DGKH: variants seen among roughly 807,000 people sequenced by gnomAD.
DGKH encodes DAG kinase eta.
A neutral mutation model predicts 159.3 loss-of-function variants in DGKH; 90 were observed. The ratio of observed to expected loss-of-function variants is 0.57; its 90% CI spans 0.48 to 0.67. DGKH has a LOEUF of 0.67. Ranked by LOEUF, DGKH falls within the 30% of genes least tolerant of loss-of-function variation. The probability of loss-of-function intolerance (pLI) is 0.00; values close to 1 mark genes in which losing one functional copy is unlikely to be tolerated. For missense variants in DGKH, 1,181 were observed against 1,506.1 expected, an observed-to-expected ratio of 0.78 and a Z score of 3.57; for synonymous variants, 536 against 553.8, an observed-to-expected ratio of 0.97 and a Z score of 0.45.
chr13:42,048,841 C>T lies in DGKH; in HGVS notation c.68C>T (p.Ala23Val). ...AAGGAAAGAG[A>V]AVTSAAASAG... is the part of the protein sequence containing the mutation. Reference sequence around the variant, plus strand: ...GGAGGAGCGGCCGCCGGAGCCGGCGCCGCGGTCACCTCCGCCGCTGCCTCG... The same window carrying T: ...GGAGGAGCGGCCGCCGGAGCCGGCGTCGCGGTCACCTCCGCCGCTGCCTCG... The change falls in exon 1 of 30, where the codon GCC (alanine) becomes GTC (valine). Residue 23 changes from alanine to valine, a missense_variant. Physicochemically the swap from Ala to Val is moderately conservative, Grantham distance 64. This residue lies in a region of DGKH where 136 missense variants were observed against 132.2 expected (regional missense o/e 1.03). Transcript: ENST00000337343. The surrounding 1 kb of genome is among the most constrained non-coding windows in gnomAD (Gnocchi z 6.7). 1 of 1,354,972 alleles carries T rather than the reference C, an allele frequency of 7.4e-7. No individual in the cohort carries two copies. 83.9% of individuals were successfully genotyped at this position (1,354,972 alleles called of 1,614,324 possible).
Position 42,229,327 on chromosome 13 carries a change from T to C in DGKH, c.*139T>C, listed in dbSNP as rs897448824. ...ACCTCTGTGGCTTGATATTTTGCTGTGGGTGAAATTTTGATTTGAGGTATT... is the reference window on the plus strand; with the variant it reads ...ACCTCTGTGGCTTGATATTTTGCTGCGGGTGAAATTTTGATTTGAGGTATT... On this transcript the variant is annotated 3_prime_UTR_variant, in exon 30 of 30. Transcript: ENST00000337343. The C allele has an allele frequency of 4.3e-6, 3 of 701,498 alleles. No individual in the cohort carries two copies. Among genetic ancestry groups the C allele is most frequent in the African/African-American group, 1.9e-5 (1 of 52,406 alleles). The allele number at this position is 701,498 out of a possible 1,614,324, so 43.5% of individuals were successfully genotyped here.
At chr13:42,042,126 G>C (rs1326670289) in intron 1 of DGKH, among the ~76,000 whole-genome samples, 5 of 152,216 alleles carry the variant, frequency 3.3e-5, no homozygotes, top group African/African-American at 1.2e-4. Flanking sequence ...CATGTCGTCA[G>C]GTTGCCCATC....
intron 23 of DGKH, among the ~76,000 whole-genome samples, chr13:42,210,059 G>A (rs571555050): frequency 1.4e-5 from 2 of 138,238 alleles, no homozygotes; most frequent in Non-Finnish European, 3.1e-5. Context: ...TTTAATTAAG[G>A]TCTGTCTTTA....
intron 29 of DGKH, among the ~76,000 whole-genome samples, chr13:42,248,120 T>G (rs922435309): frequency 1.2e-4 from 19 of 152,244 alleles, no homozygotes; most frequent in Admixed American, 1.0e-3. Context: ...TCCTATAAGC[T>G]CCATTCATGA....
chr13:42,206,024 T>TA lies in DGKH; in HGVS notation c.2494-15_2494-14insA. 1 of 1,336,032 alleles carries TA rather than the reference T, an allele frequency of 7.5e-7. No homozygotes were observed. The highest frequency in any genetic ancestry group is 9.7e-7 in the Non-Finnish European group (1 of 1,034,928). 82.8% of individuals were successfully genotyped at this position (1,336,032 alleles called of 1,614,324 possible). On this transcript the variant is annotated splice_polypyrimidine_tract_variant and intron_variant, in intron 20 of 29. Coordinates refer to ENST00000337343, the MANE Select transcript of DGKH (RefSeq NM_178009.5). The stretch of plus-strand genomic sequence containing the variant: ...TATCTAATCTCTACTTTTTTTTTTT[T>TA]TTTTTACCTTACAGTGTGATGGGCA...
downstream of DGKH, among the ~76,000 whole-genome samples, chr13:42,245,473 G>T (rs762519645): frequency 6.6e-6 from 1 of 152,158 alleles, no homozygotes; most frequent in African/African-American, 2.4e-5. Context: ...TTGATCATAT[G>T]TAAAGGCAAA....
chr13:42,134,121 G>A (rs1249887953), intron 3 of DGKH, among the ~76,000 whole-genome samples: 1 of 152,184 alleles, frequency 6.6e-6, no homozygotes, highest in Non-Finnish European at 1.5e-5. Context: ...TGGAAAACCT[G>A]TGCTTTGCCT....
In DGKH at chr13:42,090,760, T is replaced by A. The variant is rs9594673; in HGVS notation, c.193-36703T>A. On this transcript the variant is annotated intron_variant, in intron 1 of 29. Coordinates refer to ENST00000337343, the MANE Select transcript of DGKH (RefSeq NM_178009.5). ...GTTTTCGTCTCCTCCAAAATTCACA[T>A]TGAAACTAAATTGCCAGTGTGAAGG... Among the ~76,000 whole-genome samples, 1,374 of 152,240 alleles carry A rather than the reference T, an allele frequency of 9.0e-3. 24 individuals are homozygous for A. The highest frequency in any genetic ancestry group is 0.031 in the African/African-American group (1,282 of 41,548).
At chr13:42,254,682 A>G (rs1225915131) in intron 30 of DGKH, among the ~76,000 whole-genome samples, 2 of 152,092 alleles carry the variant, frequency 1.3e-5, no homozygotes, top group Admixed American at 1.3e-4. Flanking sequence ...TGTGTTTGGC[A>G]TGGAAACAAT....
At chr13:42,166,953 G>A (rs1594130504) in intron 9 of DGKH, among the ~76,000 whole-genome samples, 2 of 152,090 alleles carry the variant, frequency 1.3e-5, no homozygotes, top group Admixed American at 6.6e-5. Context: ...AGATCAACTT[G>A]CGTAAATATA....
In DGKH at chr13:42,225,287, T is replaced by C. The variant is rs1234732916; in HGVS notation, c.3574-3812T>C. The C allele has an allele frequency of 1.9e-6, 3 of 1,586,738 alleles. No homozygotes were observed. In the Admixed American group the frequency reaches 5.2e-5, roughly 28 times the overall value. On this transcript the variant is annotated intron_variant, in intron 29 of 29. Coordinates refer to ENST00000337343, the MANE Select transcript of DGKH (RefSeq NM_178009.5). Reference sequence around the variant, plus strand: ...AAACTGATTGCATCATTTTCTTTGCTAGAACACAGTAGGAGAAAAAAGAGA... The same window carrying C: ...AAACTGATTGCATCATTTTCTTTGCCAGAACACAGTAGGAGAAAAAAGAGA...
At chr13:42,075,014 T>C (rs1200965409) in intron 1 of DGKH, among the ~76,000 whole-genome samples, 2 of 152,250 alleles carry the variant, frequency 1.3e-5, no homozygotes, top group African/African-American at 2.4e-5. Flanking sequence ...ATGCCTTTTA[T>C]ACTTACTAAT....
chr13:42,087,572 AGAG>A (rs1954332181), intron 1 of DGKH, among the ~76,000 whole-genome samples: 1 of 152,176 alleles, frequency 6.6e-6, no homozygotes, highest in Non-Finnish European at 1.5e-5. Flanking sequence ...CATGAACACA[AGAG>A]GATTCATAAA....
In DGKH at chr13:42,127,581, A is replaced by G. The variant is rs605371; in HGVS notation, c.303+8A>G. Reference sequence around the variant, plus strand: ...TATGCAAAGGACTCAAAGGTAACTCACGAGAATACTAGTTTCAAGCAATTG... The same window carrying G: ...TATGCAAAGGACTCAAAGGTAACTCGCGAGAATACTAGTTTCAAGCAATTG... On this transcript the variant is annotated splice_region_variant and intron_variant, in intron 2 of 29. Transcript: ENST00000337343. 560,173 of 1,609,580 alleles carry G rather than the reference A, an allele frequency of 0.35. 100,587 individuals are homozygous for G. Among genetic ancestry groups the G allele is most frequent in the Admixed American group, 0.47 (27,830 of 59,634 alleles).
chr13:42,249,040 A>G (rs1010476099), intron 29 of DGKH, among the ~76,000 whole-genome samples: 13 of 152,246 alleles, frequency 8.5e-5, no homozygotes, highest in South Asian at 8.3e-4. Context: ...ATGTACATGC[A>G]ATATAGCTTA....
intron 1 of DGKH, among the ~76,000 whole-genome samples, chr13:42,118,582 AG>A (rs777650014): frequency 6.6e-6 from 1 of 152,250 alleles, no homozygotes; most frequent in Non-Finnish European, 1.5e-5. Flanking sequence ...AGAGACCCGA[AG>A]GTGGGAGTGG....
downstream of DGKH, among the ~76,000 whole-genome samples, chr13:42,243,862 C>A (rs1045969477): frequency 6.6e-6 from 1 of 152,126 alleles, no homozygotes; most frequent in African/African-American, 2.4e-5. Context: ...AAATCCGTGA[C>A]TTCTGTTGGT....
chr13:42,220,472 G>T (rs1379915215), intron 28 of DGKH, among the ~76,000 whole-genome samples: 1 of 152,158 alleles, frequency 6.6e-6, no homozygotes, highest in Non-Finnish European at 1.5e-5. Flanking sequence ...TACAATGGTA[G>T]CTGCCTTTCA....
chr13:42,225,357 T>A (rs1464001680), intron 29 of DGKH: 1 of 1,570,602 alleles, frequency 6.4e-7, no homozygotes, highest in South Asian at 1.2e-5. Flanking sequence ...TTTTGTTTAG[T>A]TTATTTTTTG....
Sources: gnomAD v4.1 joint callset for allele counts (sites outside exome capture counted in the v4.1 genomes callset) on GRCh38, gnomAD v4.1.1 for gene constraint, gnomAD v4.1.1 regional missense constraint, Gnocchi (gnomAD v3.1) non-coding constraint, MANE v1.5 for transcripts, NCBI Gene and HGNC (gene_info 2026-07-23, HGNC 2026-07-21) for gene names.